The following MED27 variants were observed in gnomAD, a reference collection of about 807,000 sequenced individuals.
MED27 encodes the protein mediator complex subunit 27.
In MED27, 30 loss-of-function variants were observed where a neutral mutation model predicts 38.2. The observed-to-expected ratio is 0.79, with a 90% CI of 0.59 to 1.07. The LOEUF is 1.07. Among genes scored for constraint, MED27 ranks in the 50% least tolerant of loss-of-function variants. The probability of loss-of-function intolerance (pLI) is 0.00; values close to 1 mark genes in which losing one functional copy is unlikely to be tolerated. For missense variants in MED27, 289 were observed against 397.5 expected (o/e 0.73, Z 2.32); for synonymous variants, 122 against 153.5 (o/e 0.79, Z 1.52).
intron 3 of MED27, among the ~76,000 whole-genome samples, chr9:131,994,868 C>T (rs111639592): frequency 5.9e-5 from 9 of 152,196 alleles, no homozygotes; most frequent in African/African-American, 1.7e-4. Context: ...CACGAGCATA[C>T]GGAGGAAGGG....
intron 4 of MED27, among the ~76,000 whole-genome samples, chr9:131,929,008 G>A (rs569807887): frequency 2.6e-5 from 4 of 152,336 alleles, no homozygotes; most frequent in South Asian, 2.1e-4. Flanking sequence ...AGAGGACTTC[G>A]TCTTGCATCT....
chr9:131,917,530 C>T lies in MED27; in HGVS notation c.573+21851G>A, dbSNP rs947796756. Among the ~76,000 whole-genome samples the T allele has an allele frequency of 3.3e-5, 5 of 151,074 alleles. No homozygotes were observed. The highest frequency in any genetic ancestry group is 2.9e-5 in the Non-Finnish European group (2 of 67,870). On this transcript the variant is annotated intron_variant, in intron 4 of 7. Transcript: ENST00000292035. The surrounding 1 kb of genome is among the most constrained non-coding windows in gnomAD (Gnocchi z 4.6). ...GAGACGGCTGGAGCAAGGGTTCAGA[C>T]GACAGGAGATGAGAGCAGTGAAGAT... is the stretch of plus-strand genomic sequence containing the variant.
At chr9:131,934,788 T>C (rs1326469365) in intron 4 of MED27, among the ~76,000 whole-genome samples, 1 of 152,174 alleles carries the variant, frequency 6.6e-6, no homozygotes, top group Non-Finnish European at 1.5e-5. Context: ...CTGTTCACAA[T>C]AGCCAAAATT....
At chr9:131,979,795 A>G (rs879728010) in intron 3 of MED27, among the ~76,000 whole-genome samples, 2 of 151,594 alleles carry the variant, frequency 1.3e-5, no homozygotes, top group Non-Finnish European at 2.9e-5. Context: ...CTACTAGTCC[A>G]TGCTAACTCC....
chr9:131,863,972 CCTT>C (rs1207204022), intron 6 of MED27, among the ~76,000 whole-genome samples: 1 of 152,188 alleles, frequency 6.6e-6, no homozygotes, highest in South Asian at 2.1e-4. Context: ...GGATCCAGCT[CCTT>C]ATCCTCTCTG....
chr9:131,936,267 T>C (rs1333561450), intron 4 of MED27, among the ~76,000 whole-genome samples: 1 of 152,102 alleles, frequency 6.6e-6, no homozygotes, highest in Admixed American at 6.5e-5. Flanking sequence ...TCCTGGAGGC[T>C]TGGGGAGATA....
chr9:131,971,140 T>C (rs531616842), intron 3 of MED27, among the ~76,000 whole-genome samples: 1 of 152,302 alleles, frequency 6.6e-6, no homozygotes, highest in African/African-American at 2.4e-5. Flanking sequence ...CAGCCAAATG[T>C]TGGTGATTTG....
At chr9:131,952,086 G>A (rs937124632) in intron 3 of MED27, among the ~76,000 whole-genome samples, 5 of 152,204 alleles carry the variant, frequency 3.3e-5, no homozygotes, top group African/African-American at 1.2e-4. Flanking sequence ...CTGCCATCCC[G>A]CACTGTGCCC....
chr9:132,008,030 C>A (rs1047328673), intron 3 of MED27, among the ~76,000 whole-genome samples: 6 of 152,172 alleles, frequency 3.9e-5, no homozygotes, highest in Admixed American at 3.9e-4. Context: ...TAAATAAGAT[C>A]TCGGTTTGCT....
chr9:131,977,469 G>A (rs951078772), intron 3 of MED27, among the ~76,000 whole-genome samples: 2 of 152,132 alleles, frequency 1.3e-5, no homozygotes, highest in Non-Finnish European at 1.5e-5. Context: ...GAAAACCATC[G>A]TTAGGGCAAT....
At chr9:131,895,268 C>A (rs913847455) in intron 4 of MED27, among the ~76,000 whole-genome samples, 1 of 152,194 alleles carries the variant, frequency 6.6e-6, no homozygotes, top group Non-Finnish European at 1.5e-5. Flanking sequence ...CAGACCCCAG[C>A]CTGGGACCCA....
chr9:131,999,263 C>T (rs1832167510), intron 3 of MED27, among the ~76,000 whole-genome samples: 1 of 152,166 alleles, frequency 6.6e-6, no homozygotes, highest in African/African-American at 2.4e-5. Flanking sequence ...TTCAGCTCAA[C>T]CATCCATAAT....
intron 6 of MED27, among the ~76,000 whole-genome samples, chr9:131,875,360 C>T (rs1838912678): frequency 6.6e-6 from 1 of 152,176 alleles, no homozygotes; most frequent in Admixed American, 6.6e-5. Context: ...GTAGGTCTGT[C>T]ATAGCAGCTG....
At position 131,896,921 on chromosome 9, in the gene MED27, G is replaced by A. The variant is rs185595137; in HGVS notation, c.574-2929C>T. Among the ~76,000 whole-genome samples, 434 of 152,014 alleles carry A rather than the reference G, an allele frequency of 2.9e-3. 3 individuals carry two copies. The highest frequency in any genetic ancestry group is 1.0e-2 in the African/African-American group (414 of 41,464). ...TAATTTTTGTATTTTTAGTAGAGAC[G>A]GGGTTTCACCATGTTGACCAGGCTG... is the stretch of plus-strand genomic sequence containing the variant. On this transcript the variant is annotated intron_variant, in intron 4 of 7. Coordinates refer to ENST00000292035, the MANE Select transcript of MED27 (RefSeq NM_004269.4).
chr9:132,022,765 G>A (rs1832743704), intron 2 of MED27, among the ~76,000 whole-genome samples: 1 of 152,126 alleles, frequency 6.6e-6, no homozygotes, highest in African/African-American at 2.4e-5. Context: ...TTATAATCAT[G>A]GCAGAAGGCA....
intron 3 of MED27, among the ~76,000 whole-genome samples, chr9:131,970,263 A>G (rs1322654801): frequency 1.3e-5 from 2 of 152,236 alleles, no homozygotes. Context: ...GCAGAACTCA[A>G]ACAAAGCCGG....
At chr9:131,932,402 A>T (rs1170764599) in intron 4 of MED27, among the ~76,000 whole-genome samples, 1 of 151,308 alleles carries the variant, frequency 6.6e-6, no homozygotes, top group East Asian at 1.9e-4. Context: ...AAGAGAGAAG[A>T]TACAAATAAA....
Position 131,916,157 on chromosome 9 carries a change from T to C in MED27, c.574-22165A>G, listed in dbSNP as rs577522462. Among the ~76,000 whole-genome samples the C allele has an allele frequency of 1.6e-3, 237 of 152,272 alleles. 2 individuals are homozygous for C. Among genetic ancestry groups the C allele is most frequent in the African/African-American group, 5.3e-3 (220 of 41,546 alleles). On this transcript the variant is annotated intron_variant, in intron 4 of 7. Coordinates refer to ENST00000292035, the MANE Select transcript of MED27 (RefSeq NM_004269.4). ...GTTTTATCTCAATGTATAAACACAA[T>C]GAAAAGATTAACTGGAGGAAAAATC...
chr9:131,996,578 T>G (rs1045991107), intron 3 of MED27, among the ~76,000 whole-genome samples: 3 of 152,096 alleles, frequency 2.0e-5, no homozygotes, highest in Non-Finnish European at 4.4e-5. Context: ...ATTGTAGAAG[T>G]AGAACTGAGC....
Sources: gnomAD v4.1 joint callset for allele counts (sites outside exome capture counted in the v4.1 genomes callset) on GRCh38, gnomAD v4.1.1 for gene constraint, Gnocchi (gnomAD v3.1) non-coding constraint, MANE v1.5 for transcripts, NCBI Gene and HGNC (gene_info 2026-07-23, HGNC 2026-07-21) for gene names.